Variants in CFAP61 observed in about 807,000 individuals in gnomAD.
CFAP61 encodes the protein cilia- and flagella-associated protein 61.
In CFAP61, 107 loss-of-function variants were observed where a neutral mutation model predicts 135.6. The observed-to-expected ratio is 0.79, with a 90% confidence interval of 0.67 to 0.93. CFAP61 has a LOEUF of 0.93. Ranked by LOEUF, CFAP61 falls within the 40% of genes least tolerant of loss-of-function variation. CFAP61 has a pLI of 0.00. For synonymous variants in CFAP61, 575 were observed against 578.5 expected (o/e 0.99, Z 0.09); for missense variants, 1,507 against 1,556.2 (o/e 0.97, Z 0.53).
chr20:20,320,528 T>TATATATATTATATATGTA (rs2057455725), intron 25 of CFAP61, among the ~76,000 whole-genome samples: 1 of 10,144 alleles, frequency 9.9e-5, no homozygotes, highest in African/African-American at 4.0e-4. Context: ...TAATATATAT[T>TATATATATTATATATGTA]ATATATGTAA....
At chr20:20,190,125 G>A (rs905163750) in intron 14 of CFAP61, among the ~76,000 whole-genome samples, 3 of 152,202 alleles carry the variant, frequency 2.0e-5, no homozygotes, top group African/African-American at 7.2e-5. Flanking sequence ...ACTATCTTAT[G>A]GCCTAACATT....
At chr20:20,237,187 G>A (rs2049659235) in intron 18 of CFAP61, among the ~76,000 whole-genome samples, 1 of 151,980 alleles carries the variant, frequency 6.6e-6, no homozygotes, top group Admixed American at 6.6e-5. Context: ...CCCTTATCCT[G>A]GCCACCATGC....
At chr20:20,355,878 G>A (rs1403800475) in intron 26 of CFAP61, among the ~76,000 whole-genome samples, 1 of 150,836 alleles carries the variant, frequency 6.6e-6, no homozygotes, top group Non-Finnish European at 1.5e-5. Context: ...CACACTGTGA[G>A]GGGAGGTGGT....
At chr20:20,150,731 C>A (rs1221883157) in intron 9 of CFAP61, among the ~76,000 whole-genome samples, 1 of 152,180 alleles carries the variant, frequency 6.6e-6, no homozygotes, top group African/African-American at 2.4e-5. Context: ...TATCACAGGA[C>A]TCCTTGCAGA....
intron 19 of CFAP61, among the ~76,000 whole-genome samples, chr20:20,251,314 C>CACACACACATACAGATAA (rs2050877378): frequency 6.7e-6 from 1 of 148,688 alleles, no homozygotes; most frequent in South Asian, 2.2e-4. Context: ...TGATTTCACA[C>CACACACACATACAGATAA]ACACACACAT....
Position 20,320,340 on chromosome 20 carries a change from T to C in CFAP61, c.3423-21491T>C, listed in dbSNP as rs1332697363. On this transcript the variant is annotated intron_variant, in intron 25 of 26. Transcript: ENST00000245957. ...GATATATAGATATATATATATTATA[T>C]ATATGTAATATATATAATATATGTA... Among the ~76,000 whole-genome samples, 4 of 90,892 alleles carry C rather than the reference T, an allele frequency of 4.4e-5. 1 individual carries two copies. Among genetic ancestry groups the C allele is most frequent in the Non-Finnish European group, 8.6e-5 (4 of 46,700 alleles). 59.6% of individuals were successfully genotyped at this position (90,892 alleles called of 152,430 possible). A position where few individuals can be genotyped will look rare whatever the true frequency, so the allele number is the denominator to read the frequency against.
intron 25 of CFAP61, among the ~76,000 whole-genome samples, chr20:20,333,034 T>C (rs1195636055): frequency 2.0e-5 from 3 of 152,194 alleles, no homozygotes; most frequent in Non-Finnish European, 4.4e-5. Flanking sequence ...TACTTTCAAA[T>C]GGAGGAAAAG....
intron 8 of CFAP61, among the ~76,000 whole-genome samples, chr20:20,125,266 T>G (rs1675963934): frequency 6.6e-6 from 1 of 151,652 alleles, no homozygotes; most frequent in African/African-American, 2.4e-5. Context: ...TGGGTTTGGG[T>G]TTGGTTTGTT....
chr20:20,072,091 C>CT (rs71198039), intron 3 of CFAP61, among the ~76,000 whole-genome samples: 7 of 57,604 alleles, frequency 1.2e-4, no homozygotes, highest in African/African-American at 2.9e-4. Context: ...ATCTAGCAAT[C>CT]TTTTTTTTTT....
At chr20:20,226,016 T>C (rs1601501200) in intron 17 of CFAP61, 1 of 152,238 alleles carries the variant, frequency 6.6e-6, no homozygotes, top group Non-Finnish European at 1.5e-5. Flanking sequence ...CCAAATGGTA[T>C]ATTTATTATT....
At chr20:20,225,752 C>G (rs1364270190) in intron 17 of CFAP61, among the ~76,000 whole-genome samples, 1 of 152,162 alleles carries the variant, frequency 6.6e-6, no homozygotes, top group African/African-American at 2.4e-5. Flanking sequence ...ACTAGACCTG[C>G]GATTAGATGC....
chr20:20,149,498 C>G (rs74534427), intron 9 of CFAP61, among the ~76,000 whole-genome samples: 1 of 152,294 alleles, frequency 6.6e-6, no homozygotes, highest in East Asian at 1.9e-4. Flanking sequence ...CAGACTGCTG[C>G]AATTGCCACA....
intron 6 of CFAP61, among the ~76,000 whole-genome samples, chr20:20,080,891 A>G (rs2046385494): frequency 2.0e-5 from 3 of 151,752 alleles, no homozygotes. Flanking sequence ...AGTCCCAGCT[A>G]CTCGGGAGGC....
intron 25 of CFAP61, among the ~76,000 whole-genome samples, chr20:20,329,810 G>A (rs943969946): frequency 2.6e-5 from 4 of 152,200 alleles, no homozygotes; most frequent in South Asian, 2.1e-4. Context: ...TGCAAACACC[G>A]ACTCCTTCTC....
intron 6 of CFAP61, chr20:20,085,145 G>A: frequency 1.0e-6 from 1 of 985,428 alleles, no homozygotes; most frequent in East Asian, 1.1e-4. Flanking sequence ...CTGGAACACT[G>A]TGCGGCCTGT....
chr20:20,126,274 T>G (rs1416868466), intron 8 of CFAP61, among the ~76,000 whole-genome samples: 1 of 151,870 alleles, frequency 6.6e-6, no homozygotes, highest in African/African-American at 2.4e-5. Flanking sequence ...TCCTTGTTTT[T>G]GTTTTTGCTT....
chr20:20,246,142 AC>A lies in CFAP61; in HGVS notation c.2089del (p.Leu697Ter). ...FCSHMKFNNL[T>X]LISTHGLPGK... ...CTCTCACATGAAGTTTAATAATCTT[AC>A]CCTGATTTCAACTCATGGACTCCCA... On this transcript the variant is annotated frameshift_variant, in exon 19 of 27. Coordinates refer to ENST00000245957, the MANE Select transcript of CFAP61 (RefSeq NM_015585.4). LOFTEE classifies it high-confidence loss of function. 6.2e-7 allele frequency: 1 copy of A among 1,612,426 alleles called. No individual in the cohort carries two copies. Among genetic ancestry groups the A allele is most frequent in the Non-Finnish European group, 8.5e-7 (1 of 1,178,590 alleles).
chr20:20,072,091 CTTTTTTTTTTTTTTTTTTTTTTTTT>C (rs71198039), intron 3 of CFAP61, among the ~76,000 whole-genome samples: 4 of 57,606 alleles, frequency 6.9e-5, no homozygotes, highest in African/African-American at 2.3e-4. Context: ...ATCTAGCAAT[CTTTTTTTTTTTTTTTTTTTTTTTTT>C]TTTTTTTTTT....
At chr20:20,304,585 A>T (rs1409594248) in intron 25 of CFAP61, among the ~76,000 whole-genome samples, 3 of 150,598 alleles carry the variant, frequency 2.0e-5, no homozygotes, top group Admixed American at 6.6e-5. Flanking sequence ...GCCCAGTCAC[A>T]CGCTCACACA....
Sources: gnomAD v4.1 joint callset for allele counts (sites outside exome capture counted in the v4.1 genomes callset) on GRCh38, gnomAD v4.1.1 for gene constraint, MANE v1.5 for transcripts, NCBI Gene and HGNC (gene_info 2026-07-23, HGNC 2026-07-21) for gene names.